The following PTPRD variants were observed in gnomAD, a reference collection of about 807,000 sequenced individuals.
PTPRD encodes the protein receptor-type tyrosine-protein phosphatase delta.
A neutral mutation model predicts 214.5 loss-of-function variants in PTPRD; 34 were observed. The observed-to-expected ratio is 0.16, with a 90% CI of 0.12 to 0.21. The LOEUF (loss-of-function observed/expected upper bound fraction) is 0.21. Among genes scored for constraint, PTPRD ranks in the 10% least tolerant of loss-of-function variants. PTPRD has a pLI of 1.00. For missense variants in PTPRD, 2,545 were observed against 2,398.7 expected (o/e 1.06, Z -1.27); for synonymous variants, 1,128 against 845.7 (o/e 1.33, Z -5.79).
At chr9:8,798,898 G>A (rs998150630) in intron 11 of PTPRD, among the ~76,000 whole-genome samples, 3 of 152,204 alleles carry the variant, frequency 2.0e-5, no homozygotes, top group South Asian at 4.2e-4. Context: ...AAGTGCCTAT[G>A]AGATGTCATA....
At chr9:9,924,025 A>C (rs1368562747) in intron 5 of PTPRD, among the ~76,000 whole-genome samples, 1 of 152,090 alleles carries the variant, frequency 6.6e-6, no homozygotes, top group African/African-American at 2.4e-5. Flanking sequence ...TGAAATCATC[A>C]CTAACAACTT....
At chr9:9,161,662 G>C (rs1470674220) in intron 10 of PTPRD, among the ~76,000 whole-genome samples, 1 of 152,030 alleles carries the variant, frequency 6.6e-6, no homozygotes, top group Non-Finnish European at 1.5e-5. Context: ...GGTATTCCTT[G>C]TTTCTCCTTA....
chr9:9,964,226 T>A (rs1016306268), intron 4 of PTPRD, among the ~76,000 whole-genome samples: 2 of 152,122 alleles, frequency 1.3e-5, no homozygotes, highest in Non-Finnish European at 2.9e-5. Context: ...TGAATTTAGT[T>A]TGGGAGTGAG....
chr9:9,498,255 G>C (rs545589063), intron 8 of PTPRD, among the ~76,000 whole-genome samples: 1 of 152,094 alleles, frequency 6.6e-6, no homozygotes, highest in East Asian at 1.9e-4. Flanking sequence ...TATTGCTTAA[G>C]TTCCCTCTTG....
intron 5 of PTPRD, among the ~76,000 whole-genome samples, chr9:9,938,281 T>A (rs1307222269): frequency 6.6e-6 from 1 of 152,216 alleles, no homozygotes; most frequent in Non-Finnish European, 1.5e-5. Context: ...CCATTCATAG[T>A]TACCTGTTCT....
At chr9:9,793,863 G>A (rs2098983861) in intron 5 of PTPRD, among the ~76,000 whole-genome samples, 2 of 151,906 alleles carry the variant, frequency 1.3e-5, no homozygotes, top group Non-Finnish European at 2.9e-5. Context: ...AAGTTTTGAG[G>A]ATAAAATGGG....
chr9:9,561,412 G>T (rs76835049), intron 8 of PTPRD, among the ~76,000 whole-genome samples: 3,839 of 152,250 alleles, frequency 0.025, 177 homozygotes, highest in African/African-American at 0.086. Context: ...TGTGCCTCAC[G>T]TATTGGTCAC....
chr9:8,805,499 T>C (rs546476279), intron 11 of PTPRD, among the ~76,000 whole-genome samples: 7 of 151,702 alleles, frequency 4.6e-5, no homozygotes, highest in East Asian at 3.9e-4. Flanking sequence ...TAAACCTCAA[T>C]TGCAATAGAA....
intron 14 of PTPRD, among the ~76,000 whole-genome samples, chr9:8,616,630 T>C (rs148146320): frequency 1.4e-3 from 210 of 152,198 alleles, no homozygotes; most frequent in African/African-American, 4.9e-3. Flanking sequence ...CAAAAAAAGA[T>C]TGTGGTTTTT....
intron 10 of PTPRD, among the ~76,000 whole-genome samples, chr9:9,056,175 T>G (rs570181038): frequency 1.3e-3 from 194 of 152,320 alleles, no homozygotes; most frequent in African/African-American, 4.5e-3. Flanking sequence ...CAAAATCATC[T>G]GTTGAGTCTA....
At chr9:10,515,157 T>C (rs1051950190) in intron 2 of PTPRD, among the ~76,000 whole-genome samples, 1 of 152,180 alleles carries the variant, frequency 6.6e-6, no homozygotes, top group Admixed American at 6.5e-5. Context: ...CAGTTTCCCA[T>C]ACCAACTTTC....
chr9:8,321,475 GTGTGTGTGTGTGTATATATATATATA>G (rs1185891166), intron 44 of PTPRD, among the ~76,000 whole-genome samples: 14 of 100,008 alleles, frequency 1.4e-4, no homozygotes, highest in African/African-American at 3.6e-4. Flanking sequence ...GTGTGTGTGT[GTGTGTGTGTGTGTATATATATATATA>G]TATATATATA....
At chr9:8,669,620 T>G (rs1265606894) in intron 12 of PTPRD, among the ~76,000 whole-genome samples, 8 of 152,128 alleles carry the variant, frequency 5.3e-5, no homozygotes, top group African/African-American at 1.9e-4. Flanking sequence ...CCCCAACTCA[T>G]GCAAATCTGG....
In PTPRD at chr9:9,758,148, C is replaced by CAAAAAA. The variant is rs3050038; in HGVS notation, c.-326+8656_-326+8661dup. ...GTTCACATCTCAAGAGTAAAAATGG[C>CAAAAAA]AAAAAAAAAAAAAAATTGTATTCTC... On this transcript the variant is annotated intron_variant, in intron 6 of 45. Coordinates refer to ENST00000381196, the MANE Select transcript of PTPRD (RefSeq NM_002839.4). 7.2e-3 allele frequency among the ~76,000 whole-genome samples: 824 copies of CAAAAAA among 114,882 alleles called. 9 individuals are homozygous for CAAAAAA. Among genetic ancestry groups the CAAAAAA allele is most frequent in the Middle Eastern group, 0.022 (5 of 232 alleles). The allele number at this position is 114,882 out of a possible 152,430, so 75.4% of individuals were successfully genotyped here.
chr9:9,086,297 T>G (rs796395984), intron 10 of PTPRD, among the ~76,000 whole-genome samples: 6 of 152,274 alleles, frequency 3.9e-5, no homozygotes, highest in African/African-American at 1.4e-4. Flanking sequence ...TAGTTTTAGT[T>G]TTGATATGGA....
chr9:8,331,611 G>T lies in PTPRD; in HGVS notation c.5505C>A (p.Gly1835=), dbSNP rs1210565234. Residue 1835 remains glycine (G), a synonymous_variant, in exon 44 of 46, where the codon GGC becomes GGA. Transcript: ENST00000381196. ...GQVHKTKEQF[G]QDGPISVHCS... is the part of the protein sequence containing the mutation. ...AATGGACTGAAATGGGTCCATCTTG[G>T]CCAAACTGTTCTTTTGTTTTATGGA... 5.6e-6 allele frequency: 9 copies of T among 1,598,474 alleles called. No homozygotes were observed. Among genetic ancestry groups the T allele is most frequent in the Non-Finnish European group, 7.7e-6 (9 of 1,173,900 alleles).
At position 8,507,343 on chromosome 9, in the gene PTPRD, G is replaced by T. The variant is rs1262992091; in HGVS notation, c.1635C>A (p.Ala545=). 6.2e-7 allele frequency: 1 copy of T among 1,613,802 alleles called. No individual in the cohort carries two copies. Among genetic ancestry groups the T allele is most frequent in the African/African-American group, 1.3e-5 (1 of 74,890 alleles). The part of the protein sequence containing the change: ...SWTPPRSDTI[A]NYELVYKDGE... ...CATCTTTGTAGACCAGTTCATAGTT[G>T]GCAATGGTATCTGAACGTGGAGGTG... The change falls in exon 22 of 46, where the codon GCC becomes GCA. Residue 545 remains alanine (A), a synonymous_variant. Transcript: ENST00000381196.
Position 9,219,733 on chromosome 9 carries a change from T to C in PTPRD, c.-202-36370A>G, listed in dbSNP as rs528511601. ...AGTAAACCTTTGGAAACATTTTCTGTGGAGTGAAGGCAGAAGGTGGATCAG... is the reference window on the plus strand; with the variant it reads ...AGTAAACCTTTGGAAACATTTTCTGCGGAGTGAAGGCAGAAGGTGGATCAG... On this transcript the variant is annotated intron_variant, in intron 9 of 45. Transcript: ENST00000381196. Among the ~76,000 whole-genome samples the C allele has an allele frequency of 2.5e-3, 379 of 152,270 alleles. 1 individual carries two copies. The highest frequency in any genetic ancestry group is 8.7e-3 in the African/African-American group (362 of 41,564).
At chr9:9,840,256 C>T (rs774434351) in intron 5 of PTPRD, among the ~76,000 whole-genome samples, 7 of 151,956 alleles carry the variant, frequency 4.6e-5, no homozygotes, top group Non-Finnish European at 1.0e-4. Flanking sequence ...CTCAAGCGAT[C>T]CTCCCACCTC....
Sources: gnomAD v4.1 joint callset for allele counts (sites outside exome capture counted in the v4.1 genomes callset) on GRCh38, gnomAD v4.1.1 for gene constraint, MANE v1.5 for transcripts, NCBI Gene and HGNC (gene_info 2026-07-23, HGNC 2026-07-21) for gene names.